The following SAXO4 variants were observed in gnomAD, a reference collection of about 807,000 sequenced individuals.
The protein encoded by SAXO4 is protein phosphatase 1 regulatory subunit 32.
chr11:61,488,419 C>T, the SAXO4 span, among the ~76,000 whole-genome samples: 1 of 151,812 alleles, frequency 6.6e-6, no homozygotes, highest in African/African-American at 2.4e-5. Flanking sequence ...ATTCTCCTGC[C>T]TCAGCCTCCC....
At chr11:61,486,823 A>G in the SAXO4 span, 1 of 931,544 alleles carries the variant, frequency 1.1e-6, no homozygotes. Flanking sequence ...CTGGAAGGGG[A>G]AGGGAGGGTC....
chr11:61,487,418 C>T, the SAXO4 span, among the ~76,000 whole-genome samples: 4 of 152,006 alleles, frequency 2.6e-5, no homozygotes, highest in Admixed American at 1.3e-4. Flanking sequence ...AGTTATTAGG[C>T]GTGTGGGAGT....
chr11:61,489,718 G>A, the SAXO4 span: 7 of 1,553,690 alleles, frequency 4.5e-6, no homozygotes, highest in Non-Finnish European at 6.2e-6. Flanking sequence ...ATGGAGAAGG[G>A]CAGCAGGGGT....
the SAXO4 span, chr11:61,482,359 A>C: frequency 6.2e-7 from 1 of 1,614,158 alleles, no homozygotes; most frequent in South Asian, 1.1e-5. Flanking sequence ...GGCACCGGCT[A>C]CAAATCAAAT....
chr11:61,488,778 C>T, the SAXO4 span: 2 of 152,654 alleles, frequency 1.3e-5, no homozygotes, highest in Non-Finnish European at 2.9e-5. Context: ...GGTGCCAAGC[C>T]CTGCTCCAGG....
the SAXO4 span, chr11:61,486,304 G>T: frequency 1.2e-6 from 2 of 1,609,728 alleles, no homozygotes; most frequent in South Asian, 2.2e-5. Context: ...GGCCCAGGCT[G>T]CCTCTGCGGG....
the SAXO4 span, chr11:61,485,752 T>C: frequency 8.9e-6 from 13 of 1,453,902 alleles, 1 homozygote; most frequent in South Asian, 1.5e-4. Context: ...GGAGGACACA[T>C]GGGTGGGCCA....
the SAXO4 span, chr11:61,482,702 G>A: frequency 1.7e-5 from 27 of 1,613,930 alleles, no homozygotes; most frequent in Admixed American, 8.3e-5. Context: ...CAGAGCTACC[G>A]CCCCCTGGAG....
the SAXO4 span, chr11:61,485,379 C>G: frequency 6.2e-7 from 1 of 1,613,940 alleles, no homozygotes; most frequent in Non-Finnish European, 8.5e-7. Flanking sequence ...CCAAGTATCT[C>G]AGGGACCCTC....
At chr11:61,482,613 A>C in the SAXO4 span, 1 of 1,613,508 alleles carries the variant, frequency 6.2e-7, no homozygotes, top group South Asian at 1.1e-5. Context: ...AGCAGAGGAC[A>C]GAGGCAGGCG....
At chr11:61,485,750 C>T in the SAXO4 span, 1 of 1,437,052 alleles carries the variant, frequency 7.0e-7, no homozygotes, top group Non-Finnish European at 9.8e-7. Flanking sequence ...CTGGAGGACA[C>T]ATGGGTGGGC....
the SAXO4 span, chr11:61,486,463 C>T: frequency 6.2e-7 from 1 of 1,613,076 alleles, no homozygotes; most frequent in Non-Finnish European, 8.5e-7. Context: ...GAACATGGCT[C>T]TGGAAGGTGG....
At chr11:61,488,510 T>C in the SAXO4 span, among the ~76,000 whole-genome samples, 1 of 152,090 alleles carries the variant, frequency 6.6e-6, no homozygotes, top group African/African-American at 2.4e-5. Context: ...TTCACTGTGT[T>C]AGCCAGGATG....
the SAXO4 span, among the ~76,000 whole-genome samples, chr11:61,486,771 TGG>T: frequency 6.6e-6 from 1 of 152,040 alleles, no homozygotes; most frequent in South Asian, 2.1e-4. Flanking sequence ...TGGGCCTTCC[TGG>T]GGGCTGGAAG....
At chr11:61,482,605 C>A in the SAXO4 span, 1 of 1,612,828 alleles carries the variant, frequency 6.2e-7, no homozygotes, top group Non-Finnish European at 8.5e-7. Flanking sequence ...AGCTCCTTAG[C>A]AGAGGACAGA....
At chr11:61,488,301 C>CTTTT in the SAXO4 span, among the ~76,000 whole-genome samples, 12 of 107,392 alleles carry the variant, frequency 1.1e-4, no homozygotes, top group East Asian at 8.5e-4. Context: ...AGTACAATTC[C>CTTTT]TTTTTTTTTT....
At chr11:61,482,804 A>T in the SAXO4 span, 1 of 1,607,746 alleles carries the variant, frequency 6.2e-7, no homozygotes, top group Non-Finnish European at 8.5e-7. Context: ...CCCCCCACCA[A>T]GGAGGTCAGT....
chr11:61,490,012 C>A, the SAXO4 span: 1 of 1,453,914 alleles, frequency 6.9e-7, no homozygotes, highest in East Asian at 2.3e-5. Flanking sequence ...CAGGCCTTTC[C>A]CTTCCTCTCC....
chr11:61,481,830 G>A, the SAXO4 span: 1 of 1,529,068 alleles, frequency 6.5e-7, no homozygotes, highest in Non-Finnish European at 8.7e-7. Context: ...AACTCCCCCT[G>A]GGGGTCGTCT....
Sources: gnomAD v4.1 joint callset for allele counts (sites outside exome capture counted in the v4.1 genomes callset) on GRCh38, gnomAD v4.1.1 for gene constraint, MANE v1.5 for transcripts, NCBI Gene and HGNC (gene_info 2026-07-23, HGNC 2026-07-21) for gene names.